NLGN1: variants seen among roughly 807,000 people sequenced by gnomAD.
NLGN1 encodes neuroligin 1.
Under a neutral mutation model 65.5 loss-of-function variants are expected in NLGN1, and 12 were observed. That is an observed-to-expected ratio of 0.18 (90% CI 0.12 to 0.30). The LOEUF (loss-of-function observed/expected upper bound fraction) is 0.30. NLGN1 is among the 10% of genes least tolerant of loss of function. The pLI is 1.00. For missense variants in NLGN1, 750 were observed against 1,007.1 expected (o/e 0.74, Z 3.46); for synonymous variants, 350 against 359.5 (o/e 0.97, Z 0.30).
At chr3:174,118,368 A>T (rs1298583929) in intron 4 of NLGN1, among the ~76,000 whole-genome samples, 2 of 152,158 alleles carry the variant, frequency 1.3e-5, no homozygotes, top group Non-Finnish European at 2.9e-5. Context: ...GACCCAAGCC[A>T]TTCATTTTTG....
chr3:173,914,255 T>C (rs1740265134), intron 4 of NLGN1, among the ~76,000 whole-genome samples: 1 of 152,160 alleles, frequency 6.6e-6, no homozygotes, highest in African/African-American at 2.4e-5. Flanking sequence ...TTATTGAATC[T>C]GAAGGAAGCC....
intron 4 of NLGN1, among the ~76,000 whole-genome samples, chr3:174,103,291 A>C (rs929077483): frequency 6.6e-6 from 1 of 152,210 alleles, no homozygotes; most frequent in African/African-American, 2.4e-5. Context: ...TTGGACTGGA[A>C]AGAGGAAATA....
At position 173,530,391 on chromosome 3, in the gene NLGN1, C is replaced by T. The variant is rs16827533; in HGVS notation, c.-320-73888C>T. The stretch of plus-strand genomic sequence containing the variant: ...GACACTGATGAGTTCTATGTGTTGT[C>T]GTCCTGGAAGAGAGAGGGTGTGGAT... On this transcript the variant is annotated intron_variant, in intron 2 of 6. Coordinates refer to ENST00000457714, the Ensembl canonical transcript of NLGN1. 6.2e-3 allele frequency among the ~76,000 whole-genome samples: 858 copies of T among 137,506 alleles called. 24 individuals are homozygous for T. The South Asian group carries it at 0.079, about 13-fold the overall frequency. 90.2% of individuals were successfully genotyped at this position (137,506 alleles called of 152,430 possible).
intron 4 of NLGN1, among the ~76,000 whole-genome samples, chr3:173,902,320 G>A (rs1213359601): frequency 6.6e-6 from 1 of 152,072 alleles, no homozygotes; most frequent in East Asian, 1.9e-4. Flanking sequence ...ACACATGACT[G>A]GCCCATGTCT....
intron 4 of NLGN1, among the ~76,000 whole-genome samples, chr3:174,027,360 G>A (rs1005580822): frequency 2.0e-5 from 3 of 151,916 alleles, no homozygotes; most frequent in African/African-American, 7.3e-5. Flanking sequence ...TCCTAATATA[G>A]CTATTTCTGT....
chr3:174,040,203 G>A lies in NLGN1; in HGVS notation c.646+232371G>A, dbSNP rs564089006. Among the ~76,000 whole-genome samples the A allele has an allele frequency of 1.3e-4, 20 of 152,040 alleles. 1 individual carries two copies. In the South Asian group the frequency reaches 4.2e-3, roughly 32 times the overall value. ...CTCTTTTCAGAGAAAAGGGACTAGG[G>A]GCTAAAGAAGGCTAAATGCTCACCA... On this transcript the variant is annotated intron_variant, in intron 4 of 6. Transcript: ENST00000457714.
rs138288216 is a variant in NLGN1 at position 174,250,679 on chromosome 3, G to T, written c.647-24636G>T. Among the ~76,000 whole-genome samples, 1,085 of 152,194 alleles carry T rather than the reference G, an allele frequency of 7.1e-3. 7 individuals carry two copies. The highest frequency in any genetic ancestry group is 9.4e-3 in the Admixed American group (144 of 15,268). ...GTCATATTAGTGAAGCAGAGTTGGT[G>T]CTGGGCCTTGAAGCTGAGTTTGAGA... is the stretch of plus-strand genomic sequence containing the variant. On this transcript the variant is annotated intron_variant, in intron 4 of 6. Coordinates refer to ENST00000457714, the Ensembl canonical transcript of NLGN1.
At chr3:174,122,983 A>G (rs80317130) in intron 4 of NLGN1, among the ~76,000 whole-genome samples, 12,539 of 152,150 alleles carry the variant, frequency 0.082, 680 homozygotes, top group Non-Finnish European at 0.12. Context: ...TTTTTAAGAT[A>G]GCAAGCATAT....
intron 4 of NLGN1, chr3:173,920,771 A>G (rs969773068): frequency 2.6e-5 from 4 of 152,124 alleles, no homozygotes; most frequent in Non-Finnish European, 4.4e-5. Flanking sequence ...CAACCTGTCA[A>G]TCAGAACTTT....
chr3:173,751,930 C>T (rs1176640742), intron 3 of NLGN1, among the ~76,000 whole-genome samples: 3 of 152,166 alleles, frequency 2.0e-5, no homozygotes, highest in Admixed American at 1.3e-4. Context: ...TAGAAAATCA[C>T]AGAGCTGTGA....
intron 4 of NLGN1, among the ~76,000 whole-genome samples, chr3:174,261,495 T>C (rs2152859196): frequency 6.7e-6 from 1 of 149,590 alleles, no homozygotes; most frequent in East Asian, 2.0e-4. Flanking sequence ...TTGTCTGTTT[T>C]TGGTGTATAA....
intron 2 of NLGN1, among the ~76,000 whole-genome samples, chr3:173,579,812 AG>A (rs1746097265): frequency 6.6e-6 from 1 of 152,180 alleles, no homozygotes. Flanking sequence ...TTTAGATTCA[AG>A]TCTTGAGCAC....
chr3:174,082,004 A>T (rs1019828970), intron 4 of NLGN1, among the ~76,000 whole-genome samples: 1 of 152,196 alleles, frequency 6.6e-6, no homozygotes, highest in Non-Finnish European at 1.5e-5. Flanking sequence ...GATGATTCCA[A>T]TGTGAGCCAT....
intron 3 of NLGN1, among the ~76,000 whole-genome samples, chr3:173,655,874 G>T (rs550609789): frequency 6.6e-6 from 1 of 152,132 alleles, no homozygotes; most frequent in African/African-American, 2.4e-5. Context: ...CTTGAACAAA[G>T]AATTGGACAA....
At chr3:173,661,264 T>G (rs1167038610) in intron 3 of NLGN1, among the ~76,000 whole-genome samples, 126 of 152,000 alleles carry the variant, frequency 8.3e-4, no homozygotes, top group Non-Finnish European at 4.4e-5. Flanking sequence ...TTTATAATGC[T>G]TCAAGTTTAT....
chr3:174,086,268 T>A, intron 4 of NLGN1, among the ~76,000 whole-genome samples: 1 of 148,428 alleles, frequency 6.7e-6, no homozygotes, highest in Non-Finnish European at 1.5e-5. Flanking sequence ...CATATATATA[T>A]TTATGTATGT....
chr3:173,667,897 C>T (rs904471094), intron 3 of NLGN1, among the ~76,000 whole-genome samples: 3 of 152,142 alleles, frequency 2.0e-5, no homozygotes, highest in Non-Finnish European at 4.4e-5. Flanking sequence ...TCCCAAAGTG[C>T]TGGGATTACA....
intron 3 of NLGN1, among the ~76,000 whole-genome samples, chr3:173,680,033 G>C (rs1763750669): frequency 6.6e-6 from 1 of 152,090 alleles, no homozygotes; most frequent in Non-Finnish European, 1.5e-5. Context: ...ATTTTGGCTG[G>C]AGAAAAAGAA....
intron 4 of NLGN1, among the ~76,000 whole-genome samples, chr3:173,904,552 T>C (rs1738000267): frequency 6.6e-6 from 1 of 151,832 alleles, no homozygotes. Context: ...ACCACAAATA[T>C]GTGATAAATA....
Sources: gnomAD v4.1 joint callset for allele counts (sites outside exome capture counted in the v4.1 genomes callset) on GRCh38, gnomAD v4.1.1 for gene constraint, MANE v1.5 for transcripts, NCBI Gene and HGNC (gene_info 2026-07-23, HGNC 2026-07-21) for gene names.